FHOD3: variants seen among roughly 807,000 people sequenced by gnomAD.
FHOD3 encodes the protein FH1/FH2 domain-containing protein 3.
In FHOD3, 90 loss-of-function variants were observed where a neutral mutation model predicts 173.0. The observed-to-expected ratio is 0.52, with a 90% CI of 0.44 to 0.62. FHOD3 has a LOEUF of 0.62. Among genes scored for constraint, FHOD3 ranks in the 20% least tolerant of loss-of-function variants. FHOD3 has a pLI of 0.00. For missense variants in FHOD3, 1,945 were observed against 2,034.7 expected, an observed-to-expected ratio of 0.96 and a Z score of 0.85; for synonymous variants, 828 against 823.0, an observed-to-expected ratio of 1.01 and a Z score of -0.10.
At chr18:36,451,375 A>C (rs1357567607) in intron 3 of FHOD3, among the ~76,000 whole-genome samples, 1 of 152,258 alleles carries the variant, frequency 6.6e-6, no homozygotes, top group Non-Finnish European at 1.5e-5. Context: ...GTACCAGTTA[A>C]AGAAAGCATC....
chr18:36,763,079 C>T (rs753446981), intron 27 of FHOD3, among the ~76,000 whole-genome samples: 7 of 146,366 alleles, frequency 4.8e-5, no homozygotes, highest in Non-Finnish European at 1.0e-4. Context: ...GTATTATACA[C>T]GTTATATATA....
intron 3 of FHOD3, among the ~76,000 whole-genome samples, chr18:36,463,605 C>T (rs2052721040): frequency 6.8e-6 from 1 of 146,756 alleles, no homozygotes; most frequent in South Asian, 2.2e-4. Context: ...CTCAAGCAAT[C>T]ATCCCACCTC....
intron 10 of FHOD3, among the ~76,000 whole-genome samples, chr18:36,631,830 TAGTA>T (rs2034535957): frequency 6.6e-6 from 1 of 152,228 alleles, no homozygotes; most frequent in Admixed American, 6.5e-5. Flanking sequence ...ACTTGGCAAT[TAGTA>T]AGCCATTAGT....
intron 3 of FHOD3, among the ~76,000 whole-genome samples, chr18:36,480,617 G>C (rs754717767): frequency 6.6e-6 from 1 of 152,198 alleles, no homozygotes; most frequent in Non-Finnish European, 1.5e-5. Flanking sequence ...CTCTAGAAAC[G>C]TAGGAGAGTA....
At chr18:36,699,085 A>C (rs1200319092) in intron 17 of FHOD3, among the ~76,000 whole-genome samples, 1 of 152,186 alleles carries the variant, frequency 6.6e-6, no homozygotes, top group African/African-American at 2.4e-5. Flanking sequence ...CTTGCTATGC[A>C]CACATCCTTA....
At chr18:36,510,567 C>G (rs572061141) in intron 4 of FHOD3, among the ~76,000 whole-genome samples, 1 of 152,148 alleles carries the variant, frequency 6.6e-6, no homozygotes, top group Non-Finnish European at 1.5e-5. Context: ...CTTGTTCTCA[C>G]TTTTTCACCA....
intron 3 of FHOD3, among the ~76,000 whole-genome samples, chr18:36,375,746 C>T (rs1198248042): frequency 4.6e-5 from 7 of 152,198 alleles, no homozygotes; most frequent in Non-Finnish European, 1.0e-4. Flanking sequence ...CAGCTAGCAG[C>T]TGAAGCAGGT....
At chr18:36,570,812 T>C (rs2058425716) in intron 5 of FHOD3, among the ~76,000 whole-genome samples, 1 of 152,144 alleles carries the variant, frequency 6.6e-6, no homozygotes, top group Non-Finnish European at 1.5e-5. Context: ...ACAAAATTCA[T>C]TCATTCATGA....
chr18:36,737,090 T>C (rs2041673591), intron 20 of FHOD3, among the ~76,000 whole-genome samples: 1 of 152,224 alleles, frequency 6.6e-6, no homozygotes, highest in Non-Finnish European at 1.5e-5. Context: ...AACCTGCCCT[T>C]CCACTGTCTT....
chr18:36,687,238 T>A, intron 16 of FHOD3, 60 bp downstream of exon 16: 1 of 1,232,180 alleles, frequency 8.1e-7, no homozygotes. Flanking sequence ...ACTGTTAACC[T>A]AGCATGCAGA....
intron 3 of FHOD3, among the ~76,000 whole-genome samples, chr18:36,399,996 A>C (rs2146647709): frequency 6.6e-6 from 1 of 152,324 alleles, no homozygotes; most frequent in South Asian, 2.1e-4. Flanking sequence ...AAATGTAAGA[A>C]TGTTCCCAAA....
intron 9 of FHOD3, among the ~76,000 whole-genome samples, chr18:36,613,820 T>C (rs375433796): frequency 6.6e-5 from 10 of 152,198 alleles, no homozygotes; most frequent in African/African-American, 1.7e-4. Context: ...ATTACAAGTG[T>C]CCACCATCAT....
chr18:36,395,791 G>A (rs2048529258), intron 3 of FHOD3, among the ~76,000 whole-genome samples: 4 of 152,106 alleles, frequency 2.6e-5, no homozygotes, highest in South Asian at 4.1e-4. Context: ...TATGTTGTAT[G>A]TACATTAGCA....
intron 1 of FHOD3, among the ~76,000 whole-genome samples, chr18:36,353,725 T>C (rs1479125584): frequency 6.6e-6 from 1 of 152,214 alleles, no homozygotes; most frequent in Non-Finnish European, 1.5e-5. Context: ...TTAAGAGTAA[T>C]CATTCTATAT....
chr18:36,358,700 G>A (rs1214726063), intron 2 of FHOD3, among the ~76,000 whole-genome samples: 2 of 152,082 alleles, frequency 1.3e-5, no homozygotes, highest in South Asian at 2.1e-4. Flanking sequence ...ATTTTTGATA[G>A]GGTCTTTCTT....
chr18:36,624,098 G>A (rs2033914455), intron 9 of FHOD3, among the ~76,000 whole-genome samples: 1 of 152,198 alleles, frequency 6.6e-6, no homozygotes, highest in Non-Finnish European at 1.5e-5. Flanking sequence ...TTGGAACTGT[G>A]TTATTCCATG....
chr18:36,699,028 C>T (rs1221207790), intron 17 of FHOD3, among the ~76,000 whole-genome samples: 2 of 152,164 alleles, frequency 1.3e-5, no homozygotes, highest in Non-Finnish European at 2.9e-5. Flanking sequence ...GATCTTTGCT[C>T]TAGGGAGACC....
Position 36,297,950 on chromosome 18 carries a change from C to A in FHOD3, c.115C>A (p.Leu39Ile). ...GTTCACGTTCCGCGAGGACCTCGCG[C>A]TCGGCACCCAGCTGGCGGGGGTCCA... is the stretch of plus-strand genomic sequence containing the variant. Reference protein sequence around the residue: ...PLFTFREDLALGTQLAGVHRL... With the variant: ...PLFTFREDLAIGTQLAGVHRL... Residue 39 changes from leucine to isoleucine, a missense_variant, in exon 1 of 29, where the codon CTC (leucine) becomes ATC (isoleucine). Leu to Ile is a conservative substitution (Grantham distance 5). This residue lies in a region of FHOD3 where 245 missense variants were observed against 267.7 expected (regional missense o/e 0.92). Coordinates refer to ENST00000590592, the MANE Select transcript of FHOD3 (RefSeq NM_001281740.3). 1.3e-6 allele frequency: 2 copies of A among 1,566,650 alleles called. No individual in the cohort carries two copies. The highest frequency in any genetic ancestry group is 2.4e-5 in the East Asian group (1 of 41,392).
chr18:36,439,812 A>G (rs1475420560), intron 3 of FHOD3, among the ~76,000 whole-genome samples: 1 of 152,114 alleles, frequency 6.6e-6, no homozygotes, highest in African/African-American at 2.4e-5. Context: ...CTGATATCCT[A>G]GTGCAGGAAA....
Sources: gnomAD v4.1 joint callset for allele counts (sites outside exome capture counted in the v4.1 genomes callset) on GRCh38, gnomAD v4.1.1 for gene constraint, gnomAD v4.1.1 regional missense constraint, MANE v1.5 for transcripts, NCBI Gene and HGNC (gene_info 2026-07-23, HGNC 2026-07-21) for gene names.